RCC2: variants seen among roughly 807,000 people sequenced by gnomAD.
The protein encoded by RCC2 is regulator of chromosome condensation 2.
Under a neutral mutation model 64.1 loss-of-function variants are expected in RCC2, and 19 were observed. The observed-to-expected ratio is 0.30, with a 90% CI of 0.21 to 0.44. RCC2 has a LOEUF of 0.44. Ranked by LOEUF, RCC2 falls within the 20% of genes least tolerant of loss-of-function variation. The pLI is 1.00. For synonymous variants in RCC2, 325 were observed against 279.6 expected, an observed-to-expected ratio of 1.16 and a Z score of -1.62; for missense variants, 508 against 710.4, an observed-to-expected ratio of 0.72 and a Z score of 3.24.
chr1:17,437,947 G>T (rs920547100), intron 2 of RCC2, among the ~76,000 whole-genome samples: 2 of 145,592 alleles, frequency 1.4e-5, no homozygotes, highest in Non-Finnish European at 3.1e-5. Context: ...CCTCGTGCGG[G>T]CTTCGGCCGC....
At chr1:17,411,364 G>T (rs1203882765) in intron 11 of RCC2, among the ~76,000 whole-genome samples, 2 of 152,112 alleles carry the variant, frequency 1.3e-5, no homozygotes, top group Non-Finnish European at 2.9e-5. Flanking sequence ...ATCACCTAAG[G>T]TCAGGAGTTC....
chr1:17,430,539 G>A (rs575286016), intron 2 of RCC2, among the ~76,000 whole-genome samples: 5 of 151,376 alleles, frequency 3.3e-5, no homozygotes, highest in South Asian at 2.1e-4. Flanking sequence ...TGTAATCCCA[G>A]CACTTTGGGA....
intron 11 of RCC2, among the ~76,000 whole-genome samples, chr1:17,411,919 A>G (rs531916712): frequency 1.2e-4 from 18 of 152,354 alleles, no homozygotes; most frequent in Admixed American, 3.9e-4. Flanking sequence ...ATGTGCAGAG[A>G]TGACTCAGAA....
rs2075395734 is a variant in RCC2, at chr1:17,408,975, T to A, written c.*115A>T. On this transcript the variant is annotated 3_prime_UTR_variant, in exon 13 of 13. Transcript: ENST00000375436. ...GAACCTCAGGGAGTCTAAACAAAAATGCACCTTCGGTCAACTTTTGCTTTT... is the reference window on the plus strand; with the variant it reads ...GAACCTCAGGGAGTCTAAACAAAAAAGCACCTTCGGTCAACTTTTGCTTTT... 2.5e-6 allele frequency: 2 copies of A among 809,942 alleles called. No homozygotes were observed. Among genetic ancestry groups the A allele is most frequent in the South Asian group, 2.9e-5 (2 of 69,020 alleles). 50.2% of individuals were successfully genotyped at this position (809,942 alleles called of 1,614,324 possible). A position where few individuals can be genotyped will look rare whatever the true frequency, so the allele number is the denominator to read the frequency against.
intron 12 of RCC2, 105 bp downstream of exon 12, chr1:17,409,869 G>T (rs1230663737): frequency 9.2e-6 from 9 of 975,150 alleles, no homozygotes; most frequent in Non-Finnish European, 1.5e-5. Context: ...CAGCTGAGAT[G>T]GTAAACAAGA....
intron 6 of RCC2, among the ~76,000 whole-genome samples, chr1:17,421,068 T>TAA (rs2075550657): frequency 6.6e-6 from 1 of 152,178 alleles, no homozygotes; most frequent in South Asian, 2.1e-4. Flanking sequence ...CCACTGTCTC[T>TAA]TTAAGATCAA....
At chr1:17,422,312 C>T (rs746176621) in intron 5 of RCC2, 21 bp from the exon 6 acceptor site, 1 of 1,578,482 alleles carries the variant, frequency 6.3e-7, no homozygotes, top group African/African-American at 1.3e-5. Flanking sequence ...GGAAAAATAT[C>T]ACAAAAGGGA....
rs2075375570 is a variant in RCC2 at position 17,407,543 on chromosome 1, C to G, written c.*1547G>C. 6.6e-6 allele frequency: 1 copy of G among 152,600 alleles called. No individual in the cohort carries two copies. The highest frequency in any genetic ancestry group is 6.5e-5 in the Admixed American group (1 of 15,286). 9.5% of individuals were successfully genotyped at this position (152,600 alleles called of 1,614,324 possible). Reference sequence around the variant, plus strand: ...TCTTAGAGAGATGCAGGCCAGTCTCCTCCCACAGGGCCTTGGGACTGGCAG... The same window carrying G: ...TCTTAGAGAGATGCAGGCCAGTCTCGTCCCACAGGGCCTTGGGACTGGCAG... On this transcript the variant is annotated 3_prime_UTR_variant, in exon 13 of 13. Coordinates refer to ENST00000375436, the MANE Select transcript of RCC2 (RefSeq NM_018715.4).
intron 10 of RCC2, 90 bp downstream of exon 10, chr1:17,412,983 A>T (rs901250445): frequency 1.1e-6 from 1 of 892,752 alleles, no homozygotes. Flanking sequence ...GCAGAAACAG[A>T]GCCCCATCAG....
At chr1:17,431,103 C>T (rs141973598) in intron 2 of RCC2, among the ~76,000 whole-genome samples, 2,688 of 150,972 alleles carry the variant, frequency 0.018, 80 homozygotes, top group African/African-American at 0.062. Context: ...GACGCTGAGG[C>T]AAGCAGATCA....
intron 9 of RCC2, among the ~76,000 whole-genome samples, 170 bp from the exon 10 acceptor site, chr1:17,413,348 G>A (rs1284802581): frequency 2.0e-5 from 3 of 152,190 alleles, no homozygotes; most frequent in South Asian, 2.1e-4. Flanking sequence ...TACTCAGGAC[G>A]CTGTGGTGGT....
intron 2 of RCC2, among the ~76,000 whole-genome samples, chr1:17,433,561 T>A (rs1383491859): frequency 2.0e-5 from 3 of 152,126 alleles, no homozygotes; most frequent in Non-Finnish European, 4.4e-5. Flanking sequence ...TGCTTGTGTA[T>A]AAAGGCCACG....
intron 3 of RCC2, among the ~76,000 whole-genome samples, chr1:17,428,293 C>A (rs1271019596): frequency 6.6e-6 from 1 of 152,254 alleles, no homozygotes; most frequent in Non-Finnish European, 1.5e-5. Flanking sequence ...GGACGTGGCC[C>A]CCTCTGGCTT....
At chr1:17,431,932 C>G (rs544907958) in intron 2 of RCC2, among the ~76,000 whole-genome samples, 1 of 152,144 alleles carries the variant, frequency 6.6e-6, no homozygotes, top group South Asian at 2.1e-4. Flanking sequence ...AACCCTGTCT[C>G]TACTAAAAAT....
intron 8 of RCC2, among the ~76,000 whole-genome samples, chr1:17,415,760 T>TA (rs915995777): frequency 1.3e-5 from 2 of 149,818 alleles, no homozygotes; most frequent in African/African-American, 4.9e-5. Context: ...GCAGTTTATC[T>TA]AAAGTGACCT....
intron 3 of RCC2, among the ~76,000 whole-genome samples, chr1:17,427,236 G>A (rs920969970): frequency 5.3e-5 from 8 of 152,166 alleles, no homozygotes; most frequent in African/African-American, 1.4e-4. Context: ...TGTGAAGTAC[G>A]TTCCAGCCCC....
At chr1:17,425,076 G>A (rs995406006) in intron 4 of RCC2, among the ~76,000 whole-genome samples, 1 of 152,212 alleles carries the variant, frequency 6.6e-6, no homozygotes, top group Non-Finnish European at 1.5e-5. Context: ...CCTCAGACAC[G>A]AGGGCCATGG....
At chr1:17,421,355 C>CGTG (rs897153198) in intron 6 of RCC2, among the ~76,000 whole-genome samples, 27 of 151,956 alleles carry the variant, frequency 1.8e-4, no homozygotes, top group Middle Eastern at 3.2e-3. Flanking sequence ...ATTAGCCAGG[C>CGTG]GTGGTGGAGC....
chr1:17,416,520 T>C lies in RCC2; in HGVS notation c.986A>G (p.Asn329Ser), dbSNP rs1265161825. ...TKDGQILPVPNVVVRDVACGA... is the reference protein window; with the variant it reads ...TKDGQILPVPSVVVRDVACGA... ...ACAGGCCACGTCTCGTACAACCACG[T>C]TTGGTACAGGCAGAATCTGTCCATC... The change falls in exon 8 of 13, where the codon AAC becomes AGC. Residue 329 changes from asparagine (N) to serine (S), a missense_variant. Physicochemically the swap from Asn to Ser is conservative, Grantham distance 46. Coordinates refer to ENST00000375436, the MANE Select transcript of RCC2 (RefSeq NM_018715.4). 1 of 1,613,772 alleles carries C rather than the reference T, an allele frequency of 6.2e-7. No homozygotes were observed. Among genetic ancestry groups the C allele is most frequent in the South Asian group, 1.1e-5 (1 of 91,046 alleles).
Sources: allele counts gnomAD v4.1 joint callset (sites outside exome capture counted in the v4.1 genomes callset), GRCh38; gene constraint gnomAD v4.1.1; transcripts MANE v1.5; gene names NCBI Gene and HGNC (gene_info 2026-07-23, HGNC 2026-07-21).